Variants in TYW1B observed in about 807,000 individuals in gnomAD.
The protein encoded by TYW1B is tRNA-yW synthesizing protein 1 homolog B.
In TYW1B, 73 loss-of-function variants were observed where a neutral mutation model predicts 86.9. The observed-to-expected ratio is 0.84, with a 90% CI of 0.70 to 1.02. The LOEUF is 1.02. Ranked by LOEUF, TYW1B falls within the 50% of genes least tolerant of loss-of-function variation. The pLI is 0.00. For missense variants in TYW1B, 637 were observed against 827.4 expected, an observed-to-expected ratio of 0.77 and a Z score of 2.82; for synonymous variants, 248 against 292.8, an observed-to-expected ratio of 0.85 and a Z score of 1.56.
chr7:72,729,104 C>T (rs1787058909), intron 8 of TYW1B, among the ~76,000 whole-genome samples, 173 bp from the exon 9 acceptor site: 1 of 152,200 alleles, frequency 6.6e-6, no homozygotes, highest in Non-Finnish European at 1.5e-5. Flanking sequence ...TGACACCCAA[C>T]AGAGAGGGGT....
intron 11 of TYW1B, among the ~76,000 whole-genome samples, chr7:72,636,170 T>C (rs1308563128): frequency 6.6e-6 from 1 of 152,234 alleles, no homozygotes; most frequent in Non-Finnish European, 1.5e-5. Flanking sequence ...GATTTATTCC[T>C]AGGTAATATA....
At chr7:72,672,939 C>T (rs34613428) in intron 11 of TYW1B, among the ~76,000 whole-genome samples, 6 of 152,156 alleles carry the variant, frequency 3.9e-5, no homozygotes, top group Non-Finnish European at 7.4e-5. Context: ...GAGGCCAAGG[C>T]GGGTGGATCA....
intron 11 of TYW1B, among the ~76,000 whole-genome samples, chr7:72,641,758 T>C (rs1812805115): frequency 6.6e-6 from 1 of 152,202 alleles, no homozygotes; most frequent in Non-Finnish European, 1.5e-5. Context: ...TGTAAATGTA[T>C]GAAATGCCAC....
At position 72,757,794 on chromosome 7, in the gene TYW1B, A is replaced by G. The variant is rs112850535; in HGVS notation, c.965-13193T>C. On this transcript the variant is annotated intron_variant, in intron 7 of 13. Coordinates refer to ENST00000620995, the MANE Select transcript of TYW1B (RefSeq NM_001145440.3). ...CTTGAACAAAGGCCATCACAACCTT[A>G]CACAGAAATACTTCTGTAAGGACAT... Among the ~76,000 whole-genome samples, 593 of 152,344 alleles carry G rather than the reference A, an allele frequency of 3.9e-3. 3 individuals are homozygous for G. The highest frequency in any genetic ancestry group is 0.013 in the African/African-American group (557 of 41,586).
chr7:72,709,662 C>T (rs1286753564), intron 10 of TYW1B, among the ~76,000 whole-genome samples: 2 of 151,776 alleles, frequency 1.3e-5, no homozygotes, highest in African/African-American at 2.4e-5. Context: ...AGCGAGACTC[C>T]GTCTCAAAAA....
chr7:72,620,786 C>A (rs1465681384), intron 12 of TYW1B, among the ~76,000 whole-genome samples: 2 of 152,200 alleles, frequency 1.3e-5, no homozygotes, highest in Non-Finnish European at 2.9e-5. Context: ...TCAGAAGCAG[C>A]AAGTTCTTCA....
intron 8 of TYW1B, among the ~76,000 whole-genome samples, chr7:72,735,416 A>C (rs1452072614): frequency 2.0e-5 from 3 of 152,070 alleles, no homozygotes; most frequent in African/African-American, 7.2e-5. Context: ...CTAAAAATAT[A>C]AAAAATTAAG....
chr7:72,689,518 A>T (rs1244022939), intron 11 of TYW1B, among the ~76,000 whole-genome samples: 1 of 152,142 alleles, frequency 6.6e-6, no homozygotes, highest in East Asian at 1.9e-4. Context: ...TAGGATGGGA[A>T]GGATGCTGGG....
At chr7:72,576,917 G>A (rs1248711938) in intron 13 of TYW1B, among the ~76,000 whole-genome samples, 2 of 151,856 alleles carry the variant, frequency 1.3e-5, no homozygotes, top group African/African-American at 4.8e-5. Context: ...ACCTGAGGTC[G>A]GGAGTTCAAG....
chr7:72,634,343 T>TG (rs1585864871), intron 11 of TYW1B, among the ~76,000 whole-genome samples: 2 of 57,524 alleles, frequency 3.5e-5, no homozygotes, highest in South Asian at 1.2e-3. Context: ...CACTCCTAGC[T>TG]TTTTTTTTTT....
chr7:72,786,799 TC>T (rs1309903710), intron 6 of TYW1B, among the ~76,000 whole-genome samples: 1 of 152,078 alleles, frequency 6.6e-6, no homozygotes, highest in Non-Finnish European at 1.5e-5. Context: ...GGTCTCGAAC[TC>T]CTGAGCTCAA....
intron 11 of TYW1B, among the ~76,000 whole-genome samples, chr7:72,693,333 T>C (rs1420278335): frequency 1.3e-5 from 2 of 152,018 alleles, no homozygotes; most frequent in Non-Finnish European, 2.9e-5. Flanking sequence ...CTGAGGCTAT[T>C]GATGGCTTAG....
At chr7:72,688,173 A>G (rs1814055668) in intron 11 of TYW1B, among the ~76,000 whole-genome samples, 1 of 152,180 alleles carries the variant, frequency 6.6e-6, no homozygotes, top group African/African-American at 2.4e-5. Flanking sequence ...TTTACCTTTG[A>G]ATTCTGGTAA....
intron 7 of TYW1B, among the ~76,000 whole-genome samples, chr7:72,776,794 AAT>A (rs1554470646): frequency 6.6e-6 from 1 of 151,660 alleles, no homozygotes; most frequent in African/African-American, 2.4e-5. Flanking sequence ...CCCTAATTAA[AAT>A]ATAGACATAG....
intron 11 of TYW1B, among the ~76,000 whole-genome samples, chr7:72,693,675 G>A (rs1328281511): frequency 1.3e-5 from 2 of 151,960 alleles, no homozygotes; most frequent in African/African-American, 2.4e-5. Context: ...GATTACAGGT[G>A]TGAGCTACCA....
Position 72,575,417 on chromosome 7 carries a change from C to T in TYW1B, c.*81G>A. On this transcript the variant is annotated 3_prime_UTR_variant, in exon 14 of 14. Transcript: ENST00000620995. ...GAAAGTATAATTTACGTAATTCGTC[C>T]TTGGAGAATCAGAGTGGTGTTCAAG... is the stretch of plus-strand genomic sequence containing the variant. The T allele has an allele frequency of 5.8e-6, 9 of 1,548,286 alleles. No homozygotes were observed. The highest frequency in any genetic ancestry group is 7.8e-6 in the Non-Finnish European group (9 of 1,150,346).
At chr7:72,706,648 C>A (rs538894484) in intron 10 of TYW1B, among the ~76,000 whole-genome samples, 11 of 152,080 alleles carry the variant, frequency 7.2e-5, no homozygotes, top group Non-Finnish European at 1.3e-4. Context: ...AGAAAATCAA[C>A]CGTGCAATTC....
intron 11 of TYW1B, among the ~76,000 whole-genome samples, chr7:72,687,685 A>G (rs1218088501): frequency 1.3e-5 from 2 of 152,164 alleles, no homozygotes; most frequent in East Asian, 1.9e-4. Flanking sequence ...AATAAATTCA[A>G]AAGTTCAATA....
chr7:72,757,370 G>GA (rs35310114), intron 7 of TYW1B, among the ~76,000 whole-genome samples: 89,374 of 129,578 alleles, frequency 0.69, 30,748 homozygotes, highest in Non-Finnish European at 0.76. Flanking sequence ...TCCGTCTATG[G>GA]AAAAAAAAAA....
Sources: allele counts gnomAD v4.1 joint callset (sites outside exome capture counted in the v4.1 genomes callset), GRCh38; gene constraint gnomAD v4.1.1; transcripts MANE v1.5; gene names NCBI Gene and HGNC (gene_info 2026-07-23, HGNC 2026-07-21).